FSIP1: variants seen among roughly 807,000 people sequenced by gnomAD.
FSIP1 encodes the protein fibrous sheath interacting protein 1.
In FSIP1, 65 loss-of-function variants were observed where a neutral mutation model predicts 60.9. That is an observed-to-expected ratio of 1.07 (90% CI 0.87 to 1.31). The LOEUF (loss-of-function observed/expected upper bound fraction) is 1.31, where lower values mean the gene tolerates loss of function less well. FSIP1 is among the 40% of genes most tolerant of loss of function. FSIP1 has a pLI of 0.00. For missense variants in FSIP1, 675 were observed against 665.5 expected (o/e 1.01, Z -0.16); for synonymous variants, 209 against 221.2 (o/e 0.94, Z 0.49).
intron 5 of FSIP1, among the ~76,000 whole-genome samples, chr15:39,743,304 C>G (rs947918821): frequency 6.6e-6 from 1 of 152,138 alleles, no homozygotes; most frequent in Non-Finnish European, 1.5e-5. Flanking sequence ...TGCCCATCTT[C>G]CCAGTGGTAT....
chr15:39,725,909 C>T (rs1371086183), intron 9 of FSIP1, among the ~76,000 whole-genome samples: 2 of 151,870 alleles, frequency 1.3e-5, no homozygotes, highest in Non-Finnish European at 2.9e-5. Context: ...CTCAGCCTCT[C>T]GAGTAGCTGG....
intron 11 of FSIP1, among the ~76,000 whole-genome samples, chr15:39,602,920 A>C (rs1018980254): frequency 1.3e-5 from 2 of 152,174 alleles, no homozygotes; most frequent in Non-Finnish European, 2.9e-5. Context: ...AGTAACAAAA[A>C]ATTTTTCATC....
At chr15:39,672,688 G>A (rs16969547) in intron 10 of FSIP1, among the ~76,000 whole-genome samples, 24,146 of 152,150 alleles carry the variant, frequency 0.16, 2,093 homozygotes, top group African/African-American at 0.2. Flanking sequence ...ATATCACACA[G>A]ATTTTTCAGA....
At chr15:39,620,673 C>T (rs1341479780) in intron 10 of FSIP1, among the ~76,000 whole-genome samples, 1 of 150,898 alleles carries the variant, frequency 6.6e-6, no homozygotes, top group African/African-American at 2.4e-5. Context: ...CTCACTGCAA[C>T]CTCTGCTTCC....
intron 10 of FSIP1, among the ~76,000 whole-genome samples, chr15:39,702,228 C>T (rs1301838190): frequency 6.6e-6 from 1 of 151,112 alleles, no homozygotes; most frequent in Admixed American, 6.6e-5. Context: ...GACCTTTACC[C>T]TGTCTTGGGC....
intron 10 of FSIP1, among the ~76,000 whole-genome samples, chr15:39,646,694 A>G (rs540383373): frequency 5.5e-4 from 80 of 146,674 alleles, no homozygotes; most frequent in Admixed American, 1.3e-3. Flanking sequence ...ACACTGTGAC[A>G]CACTGTCTCT....
intron 10 of FSIP1, among the ~76,000 whole-genome samples, chr15:39,642,099 G>A (rs1220032394): frequency 1.3e-5 from 2 of 152,074 alleles, no homozygotes; most frequent in Non-Finnish European, 2.9e-5. Context: ...AAACTGAAAT[G>A]AGTCACAGAT....
intron 5 of FSIP1, among the ~76,000 whole-genome samples, chr15:39,743,375 G>A (rs1896868050): frequency 6.6e-6 from 1 of 152,008 alleles, no homozygotes; most frequent in South Asian, 2.1e-4. Flanking sequence ...TCGGCTTTGA[G>A]TTTAAAAGAC....
intron 3 of FSIP1, among the ~76,000 whole-genome samples, 159 bp downstream of exon 3, chr15:39,770,267 AG>A (rs1897834726): frequency 6.6e-6 from 1 of 152,210 alleles, no homozygotes; most frequent in Non-Finnish European, 1.5e-5. Context: ...ATAAATAAAA[AG>A]TGATTGCTTG....
chr15:39,618,096 C>T lies in FSIP1; in HGVS notation c.1338G>A (p.Arg446=). The stretch of plus-strand genomic sequence containing the variant: ...CATTTAGCAATTTAGAGATGATGGA[C>T]CTGGAAAGCTGGGGGAACACAGGTG... ...DVTPVFPQLS[R]SIISKLLNES... is the part of the protein sequence containing the mutation. Residue 446 remains arginine, a synonymous_variant, in exon 11 of 12, where the codon AGG becomes AGA. Transcript: ENST00000350221. 6.2e-7 allele frequency: 1 copy of T among 1,614,108 alleles called. No homozygotes were observed. Among genetic ancestry groups the T allele is most frequent in the Non-Finnish European group, 8.5e-7 (1 of 1,180,022 alleles).
At chr15:39,780,162 C>A (rs184857380) in intron 1 of FSIP1, among the ~76,000 whole-genome samples, 1 of 152,168 alleles carries the variant, frequency 6.6e-6, no homozygotes, top group Non-Finnish European at 1.5e-5. Context: ...TTATACCCAT[C>A]GACTCCTCCC....
intron 10 of FSIP1, among the ~76,000 whole-genome samples, chr15:39,705,186 G>T (rs1404683987): frequency 6.6e-6 from 1 of 152,088 alleles, no homozygotes; most frequent in African/African-American, 2.4e-5. Context: ...AATGGGATAA[G>T]GTCAGATTGA....
intron 10 of FSIP1, among the ~76,000 whole-genome samples, chr15:39,690,016 T>C (rs141812626): frequency 1.5e-3 from 234 of 152,314 alleles, no homozygotes; most frequent in African/African-American, 5.4e-3. Context: ...TTTTCTACCA[T>C]AAAGGGGAAG....
intron 11 of FSIP1, among the ~76,000 whole-genome samples, chr15:39,612,888 A>G (rs1049761237): frequency 6.6e-6 from 1 of 152,144 alleles, no homozygotes; most frequent in Non-Finnish European, 1.5e-5. Context: ...GTCTTAATAT[A>G]AACGACCAAA....
rs964211021 is a variant in FSIP1 at position 39,666,260 on chromosome 15, T to A, written c.1188+47184A>T. ...GGCTAGCAGATATGGCAGAATGGCA[T>A]ATTCAAGACTTGGAAAGACTAACAT... On this transcript the variant is annotated intron_variant, in intron 10 of 11. Transcript: ENST00000350221. 5.9e-5 allele frequency among the ~76,000 whole-genome samples: 9 copies of A among 152,314 alleles called. No homozygotes were observed. In the East Asian group the frequency reaches 1.5e-3, roughly 26 times the overall value.
intron 10 of FSIP1, among the ~76,000 whole-genome samples, chr15:39,708,921 C>T (rs544527510): frequency 6.6e-6 from 1 of 152,240 alleles, no homozygotes; most frequent in East Asian, 1.9e-4. Context: ...AATGTGTGAG[C>T]TTCAACCTCA....
chr15:39,670,223 C>T (rs1303360602), intron 10 of FSIP1, among the ~76,000 whole-genome samples: 3 of 152,288 alleles, frequency 2.0e-5, no homozygotes, highest in African/African-American at 4.8e-5. Flanking sequence ...TTTCATTCAA[C>T]GTCCAGAATG....
chr15:39,770,445 T>C lies in FSIP1; in HGVS notation c.292A>G (p.Ile98Val), dbSNP rs753246756. 1 of 1,602,516 alleles carries C rather than the reference T, an allele frequency of 6.2e-7. No homozygotes were observed. The highest frequency in any genetic ancestry group is 1.1e-5 in the South Asian group (1 of 88,118). The part of the protein sequence containing the change: ...DEDLDLVQHQ[I>V]ISECSDEPKL... The stretch of plus-strand genomic sequence containing the variant: ...ATCCTACCTGAACACTCAGAGATTA[T>C]CTGATGTTGAACCAAATCCAGATCT... The change falls in exon 3 of 12, where the codon ATA (isoleucine) becomes GTA (valine). Residue 98 changes from isoleucine to valine, a missense_variant. Physicochemically the swap from Ile to Val is conservative, Grantham distance 29. Coordinates refer to ENST00000350221, the MANE Select transcript of FSIP1 (RefSeq NM_152597.5).
intron 10 of FSIP1, among the ~76,000 whole-genome samples, chr15:39,620,645 G>A (rs1187796379): frequency 6.6e-6 from 1 of 150,998 alleles, no homozygotes; most frequent in Non-Finnish European, 1.5e-5. Flanking sequence ...AGGCTGGAGT[G>A]CAGTGGCGCA....
Sources: gnomAD v4.1 joint callset for allele counts (sites outside exome capture counted in the v4.1 genomes callset) on GRCh38, gnomAD v4.1.1 for gene constraint, MANE v1.5 for transcripts, NCBI Gene and HGNC (gene_info 2026-07-23, HGNC 2026-07-21) for gene names.